TNR: variants seen among roughly 807,000 people sequenced by gnomAD.
TNR encodes the protein tenascin-R.
A neutral mutation model predicts 150.4 loss-of-function variants in TNR; 45 were observed. The ratio of observed to expected loss-of-function variants is 0.30; its 90% CI spans 0.24 to 0.38. The LOEUF is 0.38. Among genes scored for constraint, TNR ranks in the 10% least tolerant of loss-of-function variants. The pLI is 1.00. For synonymous variants in TNR, 687 were observed against 678.4 expected (o/e 1.01, Z -0.20); for missense variants, 1,544 against 1,759.1 (o/e 0.88, Z 2.19).
intron 1 of TNR, among the ~76,000 whole-genome samples, chr1:175,699,672 G>T (rs60509636): frequency 0.052 from 7,930 of 152,228 alleles, 285 homozygotes; most frequent in African/African-American, 0.09. Context: ...ATACAGAGGA[G>T]TAAGCTGGGT....
chr1:175,545,941 G>A (rs10798397), intron 1 of TNR, among the ~76,000 whole-genome samples: 71,442 of 151,942 alleles, frequency 0.47, 17,466 homozygotes, highest in East Asian at 0.67. Context: ...TGGCAGGGAA[G>A]TATAAAGAGT....
At chr1:175,452,946 C>A (rs977486570) in intron 2 of TNR, among the ~76,000 whole-genome samples, 3 of 151,910 alleles carry the variant, frequency 2.0e-5, no homozygotes, top group Non-Finnish European at 4.4e-5. Flanking sequence ...GGGAGAGAAG[C>A]CCTTCAGACA....
intron 9 of TNR, among the ~76,000 whole-genome samples, chr1:175,377,713 T>C (rs1652473803): frequency 6.6e-6 from 1 of 152,174 alleles, no homozygotes; most frequent in East Asian, 1.9e-4. Context: ...GAAAACTGCT[T>C]TGATTATACT....
intron 21 of TNR, among the ~76,000 whole-genome samples, chr1:175,326,402 T>C (rs1292581631): frequency 6.6e-6 from 1 of 152,218 alleles, no homozygotes; most frequent in East Asian, 1.9e-4. Context: ...GGCCACTCAA[T>C]GCCTCTGATG....
intron 1 of TNR, among the ~76,000 whole-genome samples, chr1:175,567,105 C>T (rs1661673826): frequency 1.3e-5 from 2 of 152,130 alleles, no homozygotes; most frequent in Non-Finnish European, 2.9e-5. Flanking sequence ...AGTGGTTACC[C>T]TTTTATTAGT....
chr1:175,365,725 C>T, intron 11 of TNR, 150 bp downstream of exon 11: 4 of 1,161,292 alleles, frequency 3.4e-6, no homozygotes, highest in Non-Finnish European at 4.8e-6. Context: ...CCTCTTGATG[C>T]ACTTATTAGT....
intron 1 of TNR, among the ~76,000 whole-genome samples, chr1:175,652,103 G>T: frequency 6.8e-6 from 1 of 147,500 alleles, no homozygotes; most frequent in African/African-American, 2.5e-5. Context: ...ATACCTTTAA[G>T]CTAATAGATT....
chr1:175,470,492 A>T (rs1324792490), intron 2 of TNR, among the ~76,000 whole-genome samples: 2 of 152,000 alleles, frequency 1.3e-5, no homozygotes, highest in East Asian at 3.8e-4. Context: ...GTTATTTTAA[A>T]TTTTTAATTG....
Position 175,559,747 on chromosome 1 carries a change from T to C in TNR, c.-164-31378A>G, listed in dbSNP as rs553847448. Among the ~76,000 whole-genome samples the C allele has an allele frequency of 2.0e-5, 3 of 152,360 alleles. No individual in the cohort carries two copies. The South Asian group carries it at 6.2e-4, about 32-fold the overall frequency. On this transcript the variant is annotated intron_variant, in intron 1 of 22. Coordinates refer to ENST00000367674, the MANE Select transcript of TNR (RefSeq NM_003285.3). ...CCTGTTGATGGACCTTCAGGTTATT[T>C]CTGTTTGTAGCCATAACAATGAATG...
At chr1:175,452,647 C>G (rs1656379187) in intron 2 of TNR, among the ~76,000 whole-genome samples, 1 of 152,108 alleles carries the variant, frequency 6.6e-6, no homozygotes. Flanking sequence ...CCTGTGGGGC[C>G]TAGTGGATGA....
At chr1:175,581,212 G>A (rs539260197) in intron 1 of TNR, among the ~76,000 whole-genome samples, 1 of 152,164 alleles carries the variant, frequency 6.6e-6, no homozygotes, top group Non-Finnish European at 1.5e-5. Flanking sequence ...GCTCATCCTT[G>A]CCTACTGTCT....
At position 175,379,530 on chromosome 1, in the gene TNR, C is replaced by G. The variant is rs3737930; in HGVS notation, c.1963+22G>C. ...TATAGACTCAGCAACCAGCATAACC[C>G]CAAGAGATAGGTCTTACTCACCTGT... On this transcript the variant is annotated intron_variant, in intron 9 of 22. Transcript: ENST00000367674. The G allele has an allele frequency of 3.6e-4, 580 of 1,605,640 alleles. 4 individuals are homozygous for G. The East Asian group carries it at 8.1e-3, about 23-fold the overall frequency.
intron 2 of TNR, among the ~76,000 whole-genome samples, chr1:175,505,971 T>A (rs1437630106): frequency 6.6e-6 from 1 of 152,138 alleles, no homozygotes; most frequent in East Asian, 1.9e-4. Flanking sequence ...CTCCAGGAGG[T>A]GGAGGTTACA....
In TNR at chr1:175,657,883, A is replaced by ATATATATATATATATATATATG. The variant is rs1464419575; in HGVS notation, c.-165+85342_-165+85343insCATATATATATATATATATATA. On this transcript the variant is annotated intron_variant, in intron 1 of 22. Transcript: ENST00000367674. Reference sequence around the variant, plus strand: ...TATATATATATATATATATATATATATGTAACAAACCTGCACGTTGTGCAC... The same window carrying ATATATATATATATATATATATG: ...TATATATATATATATATATATATATATATATATATATATATATATATGTGTAACAAACCTGCACGTTGTGCAC... Among the ~76,000 whole-genome samples the ATATATATATATATATATATATG allele has an allele frequency of 1.3e-3, 136 of 101,080 alleles. 3 individuals are homozygous for ATATATATATATATATATATATG. The highest frequency in any genetic ancestry group is 2.1e-3 in the Non-Finnish European group (102 of 48,728). The allele number at this position is 101,080 out of a possible 152,430, so 66.3% of individuals were successfully genotyped here.
At chr1:175,372,735 T>C (rs901254497) in intron 9 of TNR, among the ~76,000 whole-genome samples, 2 of 152,168 alleles carry the variant, frequency 1.3e-5, no homozygotes, top group African/African-American at 4.8e-5. Context: ...ATGAGTAAGA[T>C]ACTTGGGGTC....
At chr1:175,338,682 C>A (rs533630727) in intron 18 of TNR, among the ~76,000 whole-genome samples, 1 of 152,224 alleles carries the variant, frequency 6.6e-6, no homozygotes, top group Admixed American at 6.5e-5. Flanking sequence ...CTGCAGTATA[C>A]CCTAGTGGCA....
At chr1:175,350,721 GTTCTT>G in intron 18 of TNR, among the ~76,000 whole-genome samples, 1 of 152,186 alleles carries the variant, frequency 6.6e-6, no homozygotes, top group Non-Finnish European at 1.5e-5. Context: ...GTGAGTGCCA[GTTCTT>G]TTCTTTTCTT....
At chr1:175,534,251 T>C (rs888481441) in intron 1 of TNR, among the ~76,000 whole-genome samples, 2 of 152,186 alleles carry the variant, frequency 1.3e-5, no homozygotes, top group Admixed American at 1.3e-4. Context: ...CTGCCTCCCT[T>C]GTGTCCTGAA....
At chr1:175,336,251 A>G (rs1383882646) in intron 19 of TNR, among the ~76,000 whole-genome samples, 1 of 152,258 alleles carries the variant, frequency 6.6e-6, no homozygotes, top group African/African-American at 2.4e-5. Flanking sequence ...AGGCAAAGCA[A>G]TATTGCATAT....
Sources: gnomAD v4.1 joint callset for allele counts (sites outside exome capture counted in the v4.1 genomes callset) on GRCh38, gnomAD v4.1.1 for gene constraint, MANE v1.5 for transcripts, NCBI Gene and HGNC (gene_info 2026-07-23, HGNC 2026-07-21) for gene names.